CASQ2: variants seen among roughly 807,000 people sequenced by gnomAD.
The protein encoded by CASQ2 is calsequestrin-2.
In CASQ2, 49 loss-of-function variants were observed where a neutral mutation model predicts 46.5. The ratio of observed to expected loss-of-function variants is 1.05; its 90% CI spans 0.84 to 1.34. The LOEUF is 1.34. CASQ2 is among the 40% of genes most tolerant of loss of function. The pLI is 0.00. For missense variants in CASQ2, 486 were observed against 481.3 expected, an observed-to-expected ratio of 1.01 and a Z score of -0.09; for synonymous variants, 174 against 168.5, an observed-to-expected ratio of 1.03 and a Z score of -0.25.
At chr1:115,702,857 G>T in intron 10 of CASQ2, 64 bp downstream of exon 10, 1 of 1,218,870 alleles carries the variant, frequency 8.2e-7, no homozygotes. Flanking sequence ...CACAATCTAA[G>T]CTGTGTAGCA....
chr1:115,711,451 G>A (rs1462216549), intron 8 of CASQ2, among the ~76,000 whole-genome samples: 1 of 152,130 alleles, frequency 6.6e-6, no homozygotes, highest in Non-Finnish European at 1.5e-5. Flanking sequence ...GACTTCTCAG[G>A]CATGTTGATA....
intron 10 of CASQ2, among the ~76,000 whole-genome samples, chr1:115,702,057 G>A (rs981536121): frequency 1.3e-5 from 2 of 152,046 alleles, no homozygotes; most frequent in Non-Finnish European, 2.9e-5. Context: ...CAAGTAACTG[G>A]TGTTACAGGC....
chr1:115,721,106 G>A (rs1460545978), intron 7 of CASQ2, among the ~76,000 whole-genome samples: 2 of 152,324 alleles, frequency 1.3e-5, no homozygotes, highest in South Asian at 2.1e-4. Flanking sequence ...AAGGTGCAAT[G>A]GAGTGACCTA....
intron 1 of CASQ2, among the ~76,000 whole-genome samples, chr1:115,761,500 A>G (rs990419410): frequency 2.3e-5 from 2 of 87,200 alleles, no homozygotes; most frequent in African/African-American, 9.9e-5. Flanking sequence ...GAAGAAGGAG[A>G]AGAAGAAGAA....
chr1:115,717,725 A>G, intron 8 of CASQ2, 115 bp downstream of exon 8: 3 of 837,476 alleles, frequency 3.6e-6, no homozygotes, highest in Non-Finnish European at 6.2e-6. Context: ...GGGGTGCCCA[A>G]TATCTTGCAG....
intron 6 of CASQ2, among the ~76,000 whole-genome samples, chr1:115,726,230 A>G (rs544987934): frequency 2.0e-5 from 3 of 152,302 alleles, no homozygotes; most frequent in South Asian, 4.1e-4. Context: ...TGAGTCCACT[A>G]CCATGTTCCA....
At chr1:115,716,716 A>T (rs1654712249) in intron 8 of CASQ2, among the ~76,000 whole-genome samples, 1 of 152,178 alleles carries the variant, frequency 6.6e-6, no homozygotes, top group Non-Finnish European at 1.5e-5. Flanking sequence ...AAATCCCGCT[A>T]GGCTTCCCAC....
intron 1 of CASQ2, among the ~76,000 whole-genome samples, chr1:115,754,145 G>A (rs150026351): frequency 3.9e-5 from 6 of 152,210 alleles, no homozygotes; most frequent in African/African-American, 1.4e-4. Context: ...ACTTTCTGCC[G>A]CCCTCAAAGT....
intron 7 of CASQ2, among the ~76,000 whole-genome samples, chr1:115,721,703 T>C (rs1647380372): frequency 6.6e-6 from 1 of 152,188 alleles, no homozygotes; most frequent in Non-Finnish European, 1.5e-5. Context: ...CTCAAGCAGC[T>C]GGGACTATTG....
chr1:115,750,541 C>T (rs1201803371), intron 1 of CASQ2, among the ~76,000 whole-genome samples: 2 of 152,346 alleles, frequency 1.3e-5, no homozygotes, highest in African/African-American at 4.8e-5. Flanking sequence ...CTTGGTCTCA[C>T]TCCTTTGCCC....
intron 7 of CASQ2, among the ~76,000 whole-genome samples, chr1:115,724,250 G>A (rs901835282): frequency 1.3e-5 from 2 of 152,192 alleles, no homozygotes; most frequent in Non-Finnish European, 2.9e-5. Flanking sequence ...TGATTAATCT[G>A]TATGAGCGTC....
intron 6 of CASQ2, among the ~76,000 whole-genome samples, chr1:115,725,980 T>G (rs1478483048): frequency 6.6e-6 from 1 of 152,234 alleles, no homozygotes; most frequent in Non-Finnish European, 1.5e-5. Context: ...TGTTTTATCA[T>G]CTGGTGTATA....
chr1:115,721,434 G>C (rs1570811106), intron 7 of CASQ2, among the ~76,000 whole-genome samples: 1 of 152,122 alleles, frequency 6.6e-6, no homozygotes, highest in Non-Finnish European at 1.5e-5. Flanking sequence ...TCTATGGCCT[G>C]CATCTTAAAA....
At chr1:115,704,592 T>C (rs940982319) in intron 9 of CASQ2, among the ~76,000 whole-genome samples, 16 of 152,284 alleles carry the variant, frequency 1.1e-4, no homozygotes, top group Middle Eastern at 3.4e-3. Context: ...ATACATGTAG[T>C]GTACAAATGC....
chr1:115,737,384 T>G (rs570556044), intron 4 of CASQ2, among the ~76,000 whole-genome samples: 1 of 152,214 alleles, frequency 6.6e-6, no homozygotes, highest in East Asian at 1.9e-4. Context: ...TTTCAGAATA[T>G]TTTGGGGTTC....
intron 1 of CASQ2, among the ~76,000 whole-genome samples, chr1:115,767,621 G>A (rs190570976): frequency 4.6e-5 from 7 of 152,238 alleles, no homozygotes; most frequent in East Asian, 3.9e-4. Flanking sequence ...TGGGGCACTC[G>A]CAAAGGATTA....
At chr1:115,725,413 A>C in intron 7 of CASQ2, 95 bp downstream of exon 7, 1 of 1,396,424 alleles carries the variant, frequency 7.2e-7, no homozygotes, top group Non-Finnish European at 1.0e-6. Flanking sequence ...CAGCCAAATA[A>C]ACTTGGTTTG....
At chr1:115,747,133 G>A (rs992183868) in intron 1 of CASQ2, among the ~76,000 whole-genome samples, 6 of 151,828 alleles carry the variant, frequency 4.0e-5, no homozygotes, top group Admixed American at 2.0e-4. Context: ...ATTTAAGTTC[G>A]TGATTCACTT....
rs139228801 is a variant in CASQ2 at position 115,705,208 on chromosome 1, G to A, written c.923C>T (p.Pro308Leu). ...NPDLSILWID[P>L]DDFPLLVAYW... The stretch of plus-strand genomic sequence containing the variant: ...GCCACTCACCAGAGGAAAGTCGTCC[G>A]GGTCGATCCACAGGATGCTCAGATC... The change falls in exon 9 of 11, where the codon CCG becomes CTG. Residue 308 changes from proline (P) to leucine (L), a missense_variant. Pro to Leu is a moderately conservative substitution (Grantham distance 98). Coordinates refer to ENST00000261448, the MANE Select transcript of CASQ2 (RefSeq NM_001232.4). The A allele has an allele frequency of 6.3e-5, 102 of 1,612,276 alleles. 1 individual carries two copies. Among genetic ancestry groups the A allele is most frequent in the Non-Finnish European group, 7.9e-5 (93 of 1,178,378 alleles).
Sources: gnomAD v4.1 joint callset for allele counts (sites outside exome capture counted in the v4.1 genomes callset) on GRCh38, gnomAD v4.1.1 for gene constraint, MANE v1.5 for transcripts, NCBI Gene and HGNC (gene_info 2026-07-23, HGNC 2026-07-21) for gene names.